Variants in KLRG1 observed in about 807,000 individuals in gnomAD.
KLRG1 encodes killer cell lectin like receptor G1, also known as killer cell lectin-like receptor subfamily G member 1.
A neutral mutation model predicts 21.8 loss-of-function variants in KLRG1; 16 were observed. That is an observed-to-expected ratio of 0.73 (90% confidence interval 0.50 to 1.11). The LOEUF (loss-of-function observed/expected upper bound fraction) is 1.11. Among genes scored for constraint, KLRG1 ranks in the 50% most tolerant of loss-of-function variants. KLRG1 has a pLI of 0.00. For missense variants in KLRG1, 173 were observed against 218.3 expected (o/e 0.79, Z 1.31); for synonymous variants, 69 against 75.9 (o/e 0.91, Z 0.47).
At chr12:9,169,035 A>G in the KLRG1 span, 1 of 1,235,364 alleles carries the variant, frequency 8.1e-7, no homozygotes, top group South Asian at 1.3e-5. Flanking sequence ...AAAACATATT[A>G]TCCTTAGAGA....
At chr12:9,192,339 T>G in the KLRG1 span, 3 of 1,403,810 alleles carry the variant, frequency 2.1e-6, no homozygotes, top group Middle Eastern at 3.5e-4. Context: ...CCACTTTCAG[T>G]TGTCAAGTCT....
At chr12:9,051,380 A>G in the KLRG1 span, among the ~76,000 whole-genome samples, 1 of 152,060 alleles carries the variant, frequency 6.6e-6, no homozygotes, top group Admixed American at 6.5e-5. Context: ...ACCTGTCTAC[A>G]GAGATGACAC....
At chr12:9,182,132 G>GAGTTAGACAAAATGGTCATA in the KLRG1 span, 1 of 1,554,332 alleles carries the variant, frequency 6.4e-7, no homozygotes. Context: ...AACATGGAGA[G>GAGTTAGACAAAATGGTCATA]AGTGAGACAA....
chr12:8,971,237 A>G (rs1002732517), intron 1 of KLRG1: 2 of 152,014 alleles, frequency 1.3e-5, no homozygotes, highest in Non-Finnish European at 2.9e-5. Context: ...GTAAGTGTGT[A>G]TTAACCAATT....
chr12:8,999,983 C>T (rs763545911), intron 3 of KLRG1, among the ~76,000 whole-genome samples: 8 of 152,124 alleles, frequency 5.3e-5, no homozygotes, highest in Middle Eastern at 6.8e-3. Flanking sequence ...CTCAGTGAGC[C>T]GAGATCAGGC....
chr12:8,968,241 CAA>C (rs11337518), intron 1 of KLRG1, among the ~76,000 whole-genome samples: 8 of 150,556 alleles, frequency 5.3e-5, no homozygotes, highest in South Asian at 2.1e-4. Flanking sequence ...CTATCTAAAA[CAA>C]AAAAAAAACC....
At chr12:9,127,534 C>T in the KLRG1 span, among the ~76,000 whole-genome samples, 1 of 152,220 alleles carries the variant, frequency 6.6e-6, no homozygotes, top group African/African-American at 2.4e-5. Flanking sequence ...CTTCCTGCAG[C>T]TTTCGCCAGT....
At chr12:9,076,901 C>T in the KLRG1 span, 1 of 1,608,382 alleles carries the variant, frequency 6.2e-7, no homozygotes, top group Non-Finnish European at 8.5e-7. Context: ...TCCAGGCTGA[C>T]TCCAGGCAAA....
At chr12:9,086,334 C>G in the KLRG1 span, among the ~76,000 whole-genome samples, 1 of 152,120 alleles carries the variant, frequency 6.6e-6, no homozygotes, top group African/African-American at 2.4e-5. Context: ...TCAAGTCCAG[C>G]CTGGGGAACA....
downstream of KLRG1, among the ~76,000 whole-genome samples, chr12:9,014,777 CAA>C (rs1219363064): frequency 7.1e-6 from 1 of 141,482 alleles, no homozygotes; most frequent in Non-Finnish European, 1.6e-5. Flanking sequence ...AAAGATTAAC[CAA>C]AAAAAAAAAA....
At chr12:9,158,560 G>A in the KLRG1 span, 5 of 1,614,094 alleles carry the variant, frequency 3.1e-6, no homozygotes, top group Non-Finnish European at 4.2e-6. Flanking sequence ...AAAGTCTTCA[G>A]TACAAAAGCT....
chr12:9,095,913 C>T, the KLRG1 span, among the ~76,000 whole-genome samples: 2 of 151,204 alleles, frequency 1.3e-5, no homozygotes, highest in Non-Finnish European at 3.0e-5. Flanking sequence ...GCGCCCGCCA[C>T]CGCGCCCGGC....
the KLRG1 span, among the ~76,000 whole-genome samples, chr12:9,018,315 AAAAAACAAAAAC>A: frequency 2.0e-5 from 3 of 152,152 alleles, no homozygotes; most frequent in Non-Finnish European, 4.4e-5. Context: ...TCCTGAGCAA[AAAAAACAAAAAC>A]AAAAACAAAA....
At chr12:9,076,656 G>C in the KLRG1 span, 1 of 1,060,200 alleles carries the variant, frequency 9.4e-7, no homozygotes, top group Non-Finnish European at 1.4e-6. Flanking sequence ...GAAAAGAAGA[G>C]AGGAGACAGG....
At chr12:9,025,496 G>A in the KLRG1 span, among the ~76,000 whole-genome samples, 11 of 152,134 alleles carry the variant, frequency 7.2e-5, no homozygotes, top group African/African-American at 2.7e-4. Context: ...AATTAGCTGA[G>A]CACGTTAGCA....
At chr12:9,185,868 C>T in the KLRG1 span, among the ~76,000 whole-genome samples, 1 of 138,086 alleles carries the variant, frequency 7.2e-6, no homozygotes, top group South Asian at 2.3e-4. Context: ...AGTGCAGTGG[C>T]ATGATCTCGG....
chr12:9,024,843 G>C, the KLRG1 span, among the ~76,000 whole-genome samples: 2 of 152,128 alleles, frequency 1.3e-5, no homozygotes, highest in Non-Finnish European at 2.9e-5. Flanking sequence ...TCCCTTGCTA[G>C]TAATGCTCTC....
At chr12:9,077,066 T>C in the KLRG1 span, 1 of 757,884 alleles carries the variant, frequency 1.3e-6, no homozygotes, top group Non-Finnish European at 2.0e-6. Flanking sequence ...TTCTTATCAA[T>C]AGATATAATA....
chr12:9,008,148 G>A (rs886176132), intron 3 of KLRG1, among the ~76,000 whole-genome samples: 5 of 152,032 alleles, frequency 3.3e-5, no homozygotes, highest in African/African-American at 7.2e-5. Flanking sequence ...ATGAGGATGC[G>A]GAAAATGAGA....
Sources: allele counts gnomAD v4.1 joint callset (sites outside exome capture counted in the v4.1 genomes callset), GRCh38; gene constraint gnomAD v4.1.1; transcripts MANE v1.5; gene names NCBI Gene and HGNC (gene_info 2026-07-23, HGNC 2026-07-21).